Variants in CMIP observed in about 807,000 individuals in gnomAD.
CMIP encodes c-Maf inducing protein, also known as C-Maf-inducing protein.
CMIP carries 13 observed loss-of-function variants against 97.3 expected under a neutral mutation model. The ratio of observed to expected loss-of-function variants is 0.13; its 90% CI spans 0.09 to 0.21. The LOEUF (loss-of-function observed/expected upper bound fraction) is 0.21, where lower values mean the gene tolerates loss of function less well. CMIP is among the 10% of genes least tolerant of loss of function. CMIP has a pLI of 1.00. For synonymous variants in CMIP, 538 were observed against 436.3 expected, an observed-to-expected ratio of 1.23 and a Z score of -2.91; for missense variants, 847 against 1,024.9, an observed-to-expected ratio of 0.83 and a Z score of 2.37.
chr16:81,446,924 T>G (rs1905884438), intron 1 of CMIP, among the ~76,000 whole-genome samples: 2 of 146,166 alleles, frequency 1.4e-5, no homozygotes, highest in Non-Finnish European at 3.0e-5. Context: ...TTAGAGCACC[T>G]ATTTTCTCTT....
rs563117689 is a variant in CMIP, at chr16:81,659,643, C to A, written c.682-1241C>A. Among the ~76,000 whole-genome samples, 24 of 152,310 alleles carry A rather than the reference C, an allele frequency of 1.6e-4. 1 individual carries two copies. Among genetic ancestry groups the A allele is most frequent in the Middle Eastern group, 3.4e-3 (1 of 294 alleles). ...CTGCCAGCAACACCTGTGGGTCCCA[C>A]TGAGTGCCTGGAAGCCCTGGATGGA... is the stretch of plus-strand genomic sequence containing the variant. On this transcript the variant is annotated intron_variant, in intron 5 of 20. Coordinates refer to ENST00000537098, the MANE Select transcript of CMIP (RefSeq NM_198390.3).
At chr16:81,541,045 C>A (rs973895869) in intron 1 of CMIP, among the ~76,000 whole-genome samples, 1 of 151,644 alleles carries the variant, frequency 6.6e-6, no homozygotes, top group Non-Finnish European at 1.5e-5. Flanking sequence ...TGCTGAACCC[C>A]TCTGTTAAGT....
At chr16:81,689,461 G>A (rs531106953) in intron 10 of CMIP, among the ~76,000 whole-genome samples, 3 of 151,114 alleles carry the variant, frequency 2.0e-5, no homozygotes, top group South Asian at 2.1e-4. Context: ...GTCTTCTTTT[G>A]AGAAGTGTCT....
chr16:81,701,326 TCTTAA>T (rs1907376374), intron 15 of CMIP, among the ~76,000 whole-genome samples: 3 of 152,064 alleles, frequency 2.0e-5, no homozygotes, highest in Admixed American at 2.0e-4. Flanking sequence ...GAGAGAGGTG[TCTTAA>T]CTTCTGGCCT....
intron 1 of CMIP, among the ~76,000 whole-genome samples, chr16:81,604,011 G>A (rs541005772): frequency 9.9e-5 from 15 of 152,154 alleles, no homozygotes; most frequent in Admixed American, 3.3e-4. Context: ...CACAGTAAGC[G>A]GCCCAAACAC....
chr16:81,560,772 C>G (rs561563539), intron 1 of CMIP, among the ~76,000 whole-genome samples: 26 of 152,200 alleles, frequency 1.7e-4, no homozygotes, highest in African/African-American at 5.8e-4. Context: ...AAATATTTAC[C>G]ACTGTGCTAC....
At chr16:81,568,039 G>GTATGT (rs10629229) in intron 1 of CMIP, among the ~76,000 whole-genome samples, 1 of 82,546 alleles carries the variant, frequency 1.2e-5, no homozygotes, top group Non-Finnish European at 2.3e-5. Flanking sequence ...GTGTGTGTGT[G>GTATGT]TTTTTTTTTT....
intron 1 of CMIP, among the ~76,000 whole-genome samples, chr16:81,502,136 G>C (rs902557373): frequency 6.6e-6 from 1 of 152,208 alleles, no homozygotes; most frequent in South Asian, 2.1e-4. Flanking sequence ...GCCCAGAGAG[G>C]TTAAGTAACG....
chr16:81,567,660 G>A (rs1456516101), intron 1 of CMIP, among the ~76,000 whole-genome samples: 2 of 152,180 alleles, frequency 1.3e-5, no homozygotes, highest in East Asian at 1.9e-4. Context: ...CCCTCTCACA[G>A]TATGCCACGC....
At chr16:81,596,390 C>G (rs890732561) in intron 1 of CMIP, among the ~76,000 whole-genome samples, 3 of 151,498 alleles carry the variant, frequency 2.0e-5, no homozygotes, top group Non-Finnish European at 2.9e-5. Flanking sequence ...CCTATAGTCC[C>G]TGCTACTCGG....
intron 10 of CMIP, among the ~76,000 whole-genome samples, chr16:81,686,549 C>T (rs923148733): frequency 1.3e-5 from 2 of 152,168 alleles, no homozygotes; most frequent in Non-Finnish European, 2.9e-5. Flanking sequence ...AGTGAGTAAG[C>T]GGTCGCTGGC....
At chr16:81,577,176 C>T (rs1242108737) in intron 1 of CMIP, among the ~76,000 whole-genome samples, 1 of 143,380 alleles carries the variant, frequency 7.0e-6, no homozygotes, top group East Asian at 2.1e-4. Context: ...ATTATTATCA[C>T]TATCACCATC....
intron 1 of CMIP, among the ~76,000 whole-genome samples, chr16:81,548,677 C>CA (rs371381981): frequency 0.17 from 19,742 of 113,146 alleles, 1,470 homozygotes; most frequent in East Asian, 0.26. Flanking sequence ...CATGCCTCTA[C>CA]AAAAAAAAAA....
chr16:81,594,411 C>T (rs373216529), intron 1 of CMIP, among the ~76,000 whole-genome samples: 10 of 151,808 alleles, frequency 6.6e-5, no homozygotes, highest in East Asian at 5.9e-4. Flanking sequence ...TGAGCCACCG[C>T]GCCTGGCCAG....
chr16:81,563,189 C>T (rs1031497315), intron 1 of CMIP, among the ~76,000 whole-genome samples: 1 of 152,218 alleles, frequency 6.6e-6, no homozygotes, highest in Admixed American at 6.5e-5. Flanking sequence ...TACAGGCGAG[C>T]CACAACCTGG....
At chr16:81,550,832 T>G (rs542754858) in intron 1 of CMIP, among the ~76,000 whole-genome samples, 11 of 148,342 alleles carry the variant, frequency 7.4e-5, no homozygotes, top group Non-Finnish European at 8.9e-5. Flanking sequence ...TTCTGTGCCC[T>G]CCCCAGTTCC....
At chr16:81,709,431 GGTCAC>G (rs1908512582) in intron 20 of CMIP, among the ~76,000 whole-genome samples, 1 of 152,292 alleles carries the variant, frequency 6.6e-6, no homozygotes, top group South Asian at 2.1e-4. Flanking sequence ...ATCTGCCCAC[GGTCAC>G]GCAGCAGCAA....
At chr16:81,667,799 A>AGAGAGAGAGAGAGAGAGAGT in intron 7 of CMIP, among the ~76,000 whole-genome samples, 13 of 58,134 alleles carry the variant, frequency 2.2e-4, no homozygotes, top group Non-Finnish European at 2.9e-4. Context: ...AGAGAGAGAG[A>AGAGAGAGAGAGAGAGAGAGT]GTGTGTGTGT....
At chr16:81,636,508 G>A (rs1029298712) in intron 3 of CMIP, among the ~76,000 whole-genome samples, 1 of 151,528 alleles carries the variant, frequency 6.6e-6, no homozygotes, top group Non-Finnish European at 1.5e-5. Context: ...TTGAACCCAG[G>A]GGGCAGAGGT....
Sources: allele counts gnomAD v4.1 joint callset (sites outside exome capture counted in the v4.1 genomes callset), GRCh38; gene constraint gnomAD v4.1.1; transcripts MANE v1.5; gene names NCBI Gene and HGNC (gene_info 2026-07-23, HGNC 2026-07-21).